The following TENM2 variants were observed in gnomAD, a reference collection of about 807,000 sequenced individuals.
TENM2 encodes teneurin transmembrane protein 2.
In TENM2, 52 loss-of-function variants were observed where a neutral mutation model predicts 245.2. The observed-to-expected ratio is 0.21, with a 90% CI of 0.17 to 0.27. TENM2 has a LOEUF of 0.27. TENM2 is among the 10% of genes least tolerant of loss of function. The pLI, the probability that TENM2 is intolerant of heterozygous loss-of-function variation, is 1.00. For synonymous variants in TENM2, 1,363 were observed against 1,438.9 expected (o/e 0.95, Z 1.19); for missense variants, 3,046 against 3,666.8 (o/e 0.83, Z 4.37).
chr5:168,144,681 T>G (rs1755882458), intron 12 of TENM2, among the ~76,000 whole-genome samples: 1 of 151,746 alleles, frequency 6.6e-6, no homozygotes. Flanking sequence ...TTTATAGTCC[T>G]TTGGGTATAT....
intron 2 of TENM2, among the ~76,000 whole-genome samples, chr5:167,385,960 C>T (rs1403378240): frequency 6.7e-6 from 1 of 150,004 alleles, no homozygotes; most frequent in Non-Finnish European, 1.5e-5. Context: ...CACGTTTTTG[C>T]AATTGTGAAT....
chr5:167,296,385 C>G (rs1012444029), intron 1 of TENM2: 1 of 152,118 alleles, frequency 6.6e-6, no homozygotes, highest in Non-Finnish European at 1.5e-5. Flanking sequence ...AAAGTCGGAT[C>G]CATGTACGGG....
chr5:168,257,147 A>C (rs1320846705), intron 27 of TENM2, among the ~76,000 whole-genome samples: 1 of 152,114 alleles, frequency 6.6e-6, no homozygotes, highest in Non-Finnish European at 1.5e-5. Flanking sequence ...GCTTGCCTTC[A>C]CCAGGCAAGC....
chr5:168,147,228 C>T (rs1581445476), intron 12 of TENM2, among the ~76,000 whole-genome samples: 1 of 152,196 alleles, frequency 6.6e-6, no homozygotes, highest in Non-Finnish European at 1.5e-5. Context: ...TAGATTAAGG[C>T]GTAAATTGAA....
At chr5:167,157,110 A>G in the TENM2 span, among the ~76,000 whole-genome samples, 2 of 152,308 alleles carry the variant, frequency 1.3e-5, no homozygotes, top group African/African-American at 4.8e-5. Flanking sequence ...ATGCTGTGGT[A>G]ATTTGGCAAT....
Position 168,038,334 on chromosome 5 carries a change from G to A in TENM2, c.1187-9093G>A, listed in dbSNP as rs140937582. On this transcript the variant is annotated intron_variant, in intron 5 of 28. Transcript: ENST00000518659. ...GTTTCTTGAGTGCCTCCTGTGTGCC[G>A]GTTACCCCCACCCAGATCCTCACCA... is the stretch of plus-strand genomic sequence containing the variant. 2.8e-4 allele frequency among the ~76,000 whole-genome samples: 42 copies of A among 151,798 alleles called. 1 individual carries two copies. In the East Asian group the frequency reaches 4.3e-3, roughly 16 times the overall value.
intron 25 of TENM2, among the ~76,000 whole-genome samples, chr5:168,236,973 TATATATATATATATATATATATATA>T (rs1765535897): frequency 7.2e-4 from 4 of 5,582 alleles, no homozygotes; most frequent in African/African-American, 1.3e-3. Flanking sequence ...TATATATATA[TATATATATATATATATATATATATA>T]TATTTTTTTT....
intron 1 of TENM2, among the ~76,000 whole-genome samples, chr5:167,338,452 C>G (rs1757906609): frequency 6.6e-6 from 1 of 152,170 alleles, no homozygotes; most frequent in Non-Finnish European, 1.5e-5. Context: ...CCATCTGGGC[C>G]ACTACAAGTT....
At chr5:167,439,818 C>T (rs1764781356) in intron 2 of TENM2, among the ~76,000 whole-genome samples, 1 of 152,092 alleles carries the variant, frequency 6.6e-6, no homozygotes, top group Non-Finnish European at 1.5e-5. Flanking sequence ...CTTTGAAAGT[C>T]ATGAAGCATT....
intron 2 of TENM2, among the ~76,000 whole-genome samples, chr5:167,605,517 C>A (rs1360925360): frequency 6.6e-6 from 1 of 152,126 alleles, no homozygotes; most frequent in Non-Finnish European, 1.5e-5. Context: ...GAGAAGTGTT[C>A]CCCTGGAGTC....
At chr5:167,265,372 C>CTGGGCATG in the TENM2 span, among the ~76,000 whole-genome samples, 1 of 146,460 alleles carries the variant, frequency 6.8e-6, no homozygotes, top group Admixed American at 6.9e-5. Flanking sequence ...GGTGGGCATG[C>CTGGGCATG]TGGCCATTTT....
At chr5:167,066,092 A>C in the TENM2 span, among the ~76,000 whole-genome samples, 2 of 152,168 alleles carry the variant, frequency 1.3e-5, no homozygotes, top group African/African-American at 2.4e-5. Context: ...GAGTGCGGGA[A>C]AGAATTCATT....
At chr5:167,391,318 T>C (rs188189033) in intron 2 of TENM2, among the ~76,000 whole-genome samples, 3 of 152,076 alleles carry the variant, frequency 2.0e-5, no homozygotes, top group Non-Finnish European at 1.5e-5. Flanking sequence ...AATGTAGTAG[T>C]TGAGAAAAGA....
intron 9 of TENM2, among the ~76,000 whole-genome samples, chr5:168,111,964 G>A (rs2152316608): frequency 6.6e-6 from 1 of 152,202 alleles, no homozygotes; most frequent in Non-Finnish European, 1.5e-5. Flanking sequence ...GCGTATTTCA[G>A]ATATCAAACG....
intron 9 of TENM2, among the ~76,000 whole-genome samples, chr5:168,103,702 G>A (rs1794005575): frequency 6.6e-6 from 1 of 152,178 alleles, no homozygotes; most frequent in Admixed American, 6.5e-5. Context: ...TTGTATAAGT[G>A]AGTATGTGTG....
At chr5:167,260,524 C>A in the TENM2 span, among the ~76,000 whole-genome samples, 132 of 152,280 alleles carry the variant, frequency 8.7e-4, no homozygotes, top group Non-Finnish European at 1.4e-3. Context: ...CCTAAGGGAT[C>A]TTACTAAGTC....
chr5:167,329,856 T>C (rs1048065499), intron 1 of TENM2, among the ~76,000 whole-genome samples: 1 of 152,012 alleles, frequency 6.6e-6, no homozygotes, highest in Admixed American at 6.6e-5. Context: ...ATTAAGACAA[T>C]TTCTTTAGTT....
chr5:167,030,881 A>G, the TENM2 span, among the ~76,000 whole-genome samples: 2 of 152,118 alleles, frequency 1.3e-5, no homozygotes, highest in Admixed American at 6.6e-5. Flanking sequence ...TGCAGGGCTC[A>G]TTGGGCTGAT....
At chr5:167,672,884 A>T (rs1401622783) in intron 2 of TENM2, among the ~76,000 whole-genome samples, 2 of 145,546 alleles carry the variant, frequency 1.4e-5, no homozygotes, top group African/African-American at 5.2e-5. Flanking sequence ...AATTAGTTCT[A>T]CTCTTCTACC....
Sources: gnomAD v4.1 joint callset for allele counts (sites outside exome capture counted in the v4.1 genomes callset) on GRCh38, gnomAD v4.1.1 for gene constraint, MANE v1.5 for transcripts, NCBI Gene and HGNC (gene_info 2026-07-23, HGNC 2026-07-21) for gene names.